The following ANK3 variants were observed in gnomAD, a reference collection of about 807,000 sequenced individuals.
ANK3 encodes the protein ankyrin-3.
ANK3 carries 57 observed loss-of-function variants against 370.9 expected under a neutral mutation model. The observed-to-expected ratio is 0.15, with a 90% CI of 0.12 to 0.19. The LOEUF (loss-of-function observed/expected upper bound fraction) is 0.19, where lower values mean the gene tolerates loss of function less well. ANK3 is among the 10% of genes least tolerant of loss of function. ANK3 has a pLI of 1.00. For missense variants in ANK3, 4,439 were observed against 5,302.1 expected (o/e 0.84, Z 5.06); for synonymous variants, 1,929 against 1,946.3 (o/e 0.99, Z 0.23).
intron 43 of ANK3, among the ~76,000 whole-genome samples, chr10:60,038,520 A>G (rs2075527183): frequency 6.6e-6 from 1 of 152,222 alleles, no homozygotes; most frequent in Non-Finnish European, 1.5e-5. Context: ...GCTTCTACAC[A>G]GCAAAAGAAA....
chr10:60,075,809 G>A lies in ANK3; in HGVS notation c.5072C>T (p.Ser1691Leu). 1 of 1,614,184 alleles carries A rather than the reference G, an allele frequency of 6.2e-7. No individual in the cohort carries two copies. The highest frequency in any genetic ancestry group is 8.5e-7 in the Non-Finnish European group (1 of 1,180,016). The change falls in exon 37 of 44, where the codon TCA (serine) becomes TTA (leucine). Residue 1691 changes from serine (S) to leucine (L), a missense_variant. Physicochemically the swap from Ser to Leu is moderately radical, Grantham distance 145 (BLOSUM62 -2). Around this residue, in one of 13 missense-constraint regions of ANK3, gnomAD observed 679 missense variants for 791.0 expected, o/e 0.86. Transcript: ENST00000280772. The stretch of plus-strand genomic sequence containing the variant: ...AGAAGATGCCATTGTAATTTTGGCT[G>A]ATGAAATGACATCAACTGCTGATTT... The part of the protein sequence containing the change: ...PVKSAVDVIS[S>L]AKITMASSLS...
In ANK3 at chr10:60,469,003, ATATATATATATATATACCACTTTTAGTG is replaced by A. The variant is rs1567066028; in HGVS notation, c.96+146155_96+146182del. Among the ~76,000 whole-genome samples the A allele has an allele frequency of 1.6e-3, 85 of 52,130 alleles. 2 individuals carry two copies. The highest frequency in any genetic ancestry group is 2.5e-3 in the African/African-American group (41 of 16,322). 34.2% of individuals were successfully genotyped at this position (52,130 alleles called of 152,430 possible). On this transcript the variant is annotated intron_variant, in intron 2 of 43. Coordinates refer to the ANK3 transcript ENST00000373827. Reference sequence around the variant, plus strand: ...TATATACCACTTTTAGTGTGTATATATATATATATATATATACCACTTTTAGTGTATATATATATATATATATATATAC... The same window carrying A: ...TATATACCACTTTTAGTGTGTATATATATATATATATATATATATATATAC...
Position 60,261,999 on chromosome 10 carries a change from GC to G in ANK3, c.700-43del, listed in dbSNP as rs747293560. ...GCAGACATTCAATTGATTCCTGCCA[GC>G]CCCCTGCCTGACAGGCAAATATCAT... On this transcript the variant is annotated intron_variant, in intron 6 of 43. Transcript: ENST00000280772. 5 of 1,532,500 alleles carry G rather than the reference GC, an allele frequency of 3.3e-6. No individual in the cohort carries two copies. The Admixed American group carries it at 6.8e-5, about 21-fold the overall frequency. The allele number at this position is 1,532,500 out of a possible 1,614,324, so 94.9% of individuals were successfully genotyped here. A position where few individuals can be genotyped will look rare whatever the true frequency, so the allele number is the denominator to read the frequency against.
intron 1 of ANK3, among the ~76,000 whole-genome samples, chr10:60,717,559 G>A (rs952011458): frequency 6.6e-6 from 1 of 152,126 alleles, no homozygotes; most frequent in African/African-American, 2.4e-5. Context: ...ATAATAAAAA[G>A]AACTTACTAT....
intron 2 of ANK3, among the ~76,000 whole-genome samples, chr10:60,509,253 A>AG (rs2076019512): frequency 6.6e-6 from 1 of 152,108 alleles, no homozygotes; most frequent in South Asian, 2.1e-4. Context: ...TAACTAGCAA[A>AG]AAAAAAAGTC....
chr10:60,047,277 G>A (rs973040260), intron 42 of ANK3, among the ~76,000 whole-genome samples: 2 of 152,088 alleles, frequency 1.3e-5, no homozygotes, highest in African/African-American at 4.8e-5. Flanking sequence ...TCTGGTGACG[G>A]TATTAATGAA....
At chr10:60,552,741 C>T (rs1431845942) in intron 2 of ANK3, among the ~76,000 whole-genome samples, 1 of 152,176 alleles carries the variant, frequency 6.6e-6, no homozygotes, top group Non-Finnish European at 1.5e-5. Flanking sequence ...GTGGTTGATA[C>T]GGCTTGGCTA....
chr10:60,564,713 A>G lies in ANK3; in HGVS notation c.96+50473T>C, dbSNP rs1322364184. On this transcript the variant is annotated intron_variant, in intron 2 of 43. Transcript: ENST00000373827. ...GAGGAAACAAGTACAGCTCTCACAC[A>G]TAAGGCAAAGCTATGGTGGTCTGGT... Among the ~76,000 whole-genome samples the G allele has an allele frequency of 3.3e-5, 5 of 152,344 alleles. No individual in the cohort carries two copies. The East Asian group carries it at 9.6e-4, about 29-fold the overall frequency.
intron 1 of ANK3, among the ~76,000 whole-genome samples, chr10:60,342,215 A>T (rs181707258): frequency 2.0e-5 from 3 of 152,164 alleles, no homozygotes; most frequent in Non-Finnish European, 4.4e-5. Context: ...TATCTCCTAC[A>T]CTGCAGTATT....
chr10:60,115,072 C>T (rs1485294857), intron 25 of ANK3, among the ~76,000 whole-genome samples: 1 of 152,142 alleles, frequency 6.6e-6, no homozygotes, highest in Non-Finnish European at 1.5e-5. Flanking sequence ...CGAAGCTGTG[C>T]AGAACAGGAA....
chr10:60,059,945 G>C, intron 40 of ANK3: 1 of 1,613,842 alleles, frequency 6.2e-7, no homozygotes, highest in Non-Finnish European at 8.5e-7. Context: ...GCTGGAAAGG[G>C]GTAGGTGGTG....
At chr10:60,255,117 A>G (rs1247211303) in intron 7 of ANK3, among the ~76,000 whole-genome samples, 2 of 152,218 alleles carry the variant, frequency 1.3e-5, no homozygotes, top group Non-Finnish European at 2.9e-5. Flanking sequence ...AAAATGCCTA[A>G]TAAAGAAGCT....
chr10:60,688,108 T>C (rs2079295363), intron 1 of ANK3, among the ~76,000 whole-genome samples: 1 of 152,084 alleles, frequency 6.6e-6, no homozygotes, highest in Admixed American at 6.6e-5. Context: ...GACCTTTCCT[T>C]ACCCAGGCTT....
At chr10:60,106,304 G>A (rs1459130359) in intron 27 of ANK3, among the ~76,000 whole-genome samples, 1 of 152,022 alleles carries the variant, frequency 6.6e-6, no homozygotes, top group Non-Finnish European at 1.5e-5. Flanking sequence ...AGGATTTAAT[G>A]GGGGAAATTT....
At chr10:60,134,190 T>A in intron 25 of ANK3, 81 bp downstream of exon 25, 1 of 1,137,524 alleles carries the variant, frequency 8.8e-7, no homozygotes, top group Non-Finnish European at 1.3e-6. Flanking sequence ...AAATATATTT[T>A]TTGTCACAAG....
intron 4 of ANK3, among the ~76,000 whole-genome samples, chr10:60,278,521 C>A (rs1431858519): frequency 6.6e-6 from 1 of 152,070 alleles, no homozygotes; most frequent in East Asian, 1.9e-4. Context: ...ATTACAGACA[C>A]CATGATGCCA....
intron 23 of ANK3, among the ~76,000 whole-genome samples, chr10:60,159,904 G>A (rs578086173): frequency 3.3e-5 from 5 of 151,954 alleles, no homozygotes; most frequent in African/African-American, 1.2e-4. Context: ...TAAAACCTAC[G>A]GGAGACAGCA....
At chr10:60,174,402 A>G (rs554921050) in intron 18 of ANK3, among the ~76,000 whole-genome samples, 5 of 152,310 alleles carry the variant, frequency 3.3e-5, no homozygotes, top group African/African-American at 1.2e-4. Context: ...TTTGGTGACC[A>G]GAATCCATTT....
At chr10:60,401,424 C>T (rs911678930) in intron 2 of ANK3, among the ~76,000 whole-genome samples, 12 of 152,012 alleles carry the variant, frequency 7.9e-5, no homozygotes, top group African/African-American at 2.9e-4. Flanking sequence ...TTTAAAACTG[C>T]CACTCAAAAA....
Sources: allele counts gnomAD v4.1 joint callset (sites outside exome capture counted in the v4.1 genomes callset), GRCh38; gene constraint gnomAD v4.1.1; regional missense constraint gnomAD v4.1.1; transcripts MANE v1.5; gene names NCBI Gene and HGNC (gene_info 2026-07-23, HGNC 2026-07-21).